HIF1A: variants seen among roughly 807,000 people sequenced by gnomAD.
HIF1A encodes the protein hypoxia-inducible factor 1-alpha.
HIF1A carries 24 observed loss-of-function variants against 92.7 expected under a neutral mutation model. That is an observed-to-expected ratio of 0.26 (90% CI 0.19 to 0.36). The LOEUF (loss-of-function observed/expected upper bound fraction) is 0.36, where lower values mean the gene tolerates loss of function less well. Among genes scored for constraint, HIF1A ranks in the 10% least tolerant of loss-of-function variants. HIF1A has a pLI of 1.00. For missense variants in HIF1A, 799 were observed against 998.5 expected (o/e 0.80, Z 2.69); for synonymous variants, 319 against 338.7 (o/e 0.94, Z 0.64).
At chr14:61,730,163 A>T (rs1566571886) in intron 6 of HIF1A, among the ~76,000 whole-genome samples, 2 of 152,168 alleles carry the variant, frequency 1.3e-5, no homozygotes, top group South Asian at 4.1e-4. Context: ...GCTTTAGATC[A>T]TGGGTTTCCT....
At chr14:61,704,218 G>C (rs548332332) in intron 1 of HIF1A, among the ~76,000 whole-genome samples, 42 of 152,238 alleles carry the variant, frequency 2.8e-4, no homozygotes, top group African/African-American at 1.0e-3. Flanking sequence ...TGGTTAAGTT[G>C]TTTTCAACAT....
chr14:61,695,715 C>A lies in HIF1A; in HGVS notation c.-90C>A. The A allele has an allele frequency of 7.1e-7, 1 of 1,417,454 alleles. No individual in the cohort carries two copies. The highest frequency in any genetic ancestry group is 9.7e-7 in the Non-Finnish European group (1 of 1,032,024). 87.8% of individuals were successfully genotyped at this position (1,417,454 alleles called of 1,614,324 possible). On this transcript the variant is annotated 5_prime_UTR_variant, in exon 1 of 15. Coordinates refer to ENST00000337138, the MANE Select transcript of HIF1A (RefSeq NM_001530.4). ...CCCACCTCTGGACTTGCCTTTCCTTCTCTTCTCCGCGTGTGGAGGGAGCCA... is the reference window on the plus strand; with the variant it reads ...CCCACCTCTGGACTTGCCTTTCCTTATCTTCTCCGCGTGTGGAGGGAGCCA...
At position 61,747,170 on chromosome 14, in the gene HIF1A, T is replaced by G; in HGVS notation, c.*85T>G. ...TATTTATATTTTCTACATCTAATTT[T>G]AGAAGCCTGGCTACAATACTGCACA... On this transcript the variant is annotated 3_prime_UTR_variant, in exon 15 of 15. Transcript: ENST00000337138. The G allele has an allele frequency of 2.4e-6, 3 of 1,234,982 alleles. No individual in the cohort carries two copies. The highest frequency in any genetic ancestry group is 3.4e-6 in the Non-Finnish European group (3 of 890,188). 76.5% of individuals were successfully genotyped at this position (1,234,982 alleles called of 1,614,324 possible).
intron 1 of HIF1A, among the ~76,000 whole-genome samples, chr14:61,711,047 CAAAAAA>C (rs60358775): frequency 9.7e-5 from 11 of 113,458 alleles, no homozygotes; most frequent in South Asian, 2.9e-4. Context: ...GACTCTGTCT[CAAAAAA>C]AAAAAAAAAA....
Position 61,738,181 on chromosome 14 carries a change from G to T in HIF1A, c.1344G>T (p.Leu448Phe). Residue 448 changes from leucine to phenylalanine, a missense_variant, in exon 10 of 15, where the codon TTG (leucine) becomes TTT (phenylalanine). Physicochemically the swap from Leu to Phe is conservative, Grantham distance 22. Transcript: ENST00000337138. The part of the protein sequence containing the change: ...SPNEKLQNIN[L>F]AMSPLPTAET... ...ACGAAAAATTACAGAATATAAATTT[G>T]GCAATGTCTCCATTACCCACCGCTG... 6.2e-7 allele frequency: 1 copy of T among 1,613,948 alleles called. No homozygotes were observed. Among genetic ancestry groups the T allele is most frequent in the Non-Finnish European group, 8.5e-7 (1 of 1,179,964 alleles).
At chr14:61,710,793 G>GCTCA (rs1249375223) in intron 1 of HIF1A, among the ~76,000 whole-genome samples, 4 of 152,118 alleles carry the variant, frequency 2.6e-5, no homozygotes, top group Non-Finnish European at 5.9e-5. Flanking sequence ...AGGCGCGGTG[G>GCTCA]CTCACGCCTG....
intron 1 of HIF1A, among the ~76,000 whole-genome samples, chr14:61,711,388 G>C (rs2044306450): frequency 6.6e-6 from 1 of 152,046 alleles, no homozygotes; most frequent in South Asian, 2.1e-4. Context: ...GATTGGTTAA[G>C]AACATTAACT....
At chr14:61,707,812 G>C (rs983106819) in intron 1 of HIF1A, among the ~76,000 whole-genome samples, 1 of 151,102 alleles carries the variant, frequency 6.6e-6, no homozygotes, top group African/African-American at 2.4e-5. Flanking sequence ...AATCCTTTGG[G>C]TATATACCCA....
intron 4 of HIF1A, among the ~76,000 whole-genome samples, chr14:61,725,246 TTACTA>T (rs981002920): frequency 1.3e-5 from 2 of 152,192 alleles, no homozygotes; most frequent in African/African-American, 4.8e-5. Flanking sequence ...TTTGTTGACC[TTACTA>T]TATCTACTAC....
chr14:61,737,768 T>G (rs1594884044), intron 9 of HIF1A, among the ~76,000 whole-genome samples: 1 of 152,222 alleles, frequency 6.6e-6, no homozygotes, highest in East Asian at 1.9e-4. Context: ...GGCTCACGCC[T>G]GTAATCCCAG....
At chr14:61,705,818 A>G (rs1172442991) in intron 1 of HIF1A, among the ~76,000 whole-genome samples, 1 of 152,164 alleles carries the variant, frequency 6.6e-6, no homozygotes, top group African/African-American at 2.4e-5. Context: ...ATAGTTGGAA[A>G]ACAGAGACTC....
rs61755645 is a variant in HIF1A, at chr14:61,740,895, A to T, written c.1800A>T (p.Thr600=). The part of the protein sequence containing the change: ...PESASPQSTV[T]VFQQTQIQEP... The stretch of plus-strand genomic sequence containing the variant: ...GCGCAAGTCCTCAAAGCACAGTTAC[A>T]GTATTCCAGCAGACTCAAATACAAG... The change falls in exon 12 of 15, where the codon ACA becomes ACT. Residue 600 remains threonine (T), a synonymous_variant. Coordinates refer to ENST00000337138, the MANE Select transcript of HIF1A (RefSeq NM_001530.4). 14,594 of 1,614,232 alleles carry T rather than the reference A, an allele frequency of 9.0e-3. 80 individuals carry two copies. The highest frequency in any genetic ancestry group is 0.011 in the Non-Finnish European group (12,912 of 1,180,034).
At chr14:61,714,334 T>C (rs1281521097) in intron 1 of HIF1A, among the ~76,000 whole-genome samples, 5 of 152,230 alleles carry the variant, frequency 3.3e-5, no homozygotes. Context: ...GAGATGTTGT[T>C]TTAGTAAGTA....
chr14:61,720,297 C>G, intron 1 of HIF1A, 85 bp from the exon 2 acceptor site: 1 of 904,868 alleles, frequency 1.1e-6, no homozygotes, highest in Non-Finnish European at 1.7e-6. Flanking sequence ...CTGTGATAAG[C>G]AGAAATGTAA....
At chr14:61,734,048 C>A in intron 7 of HIF1A, 90 bp from the exon 8 acceptor site, 1 of 858,100 alleles carries the variant, frequency 1.2e-6, no homozygotes. Flanking sequence ...TTTTCCAAAA[C>A]AATGATGAAC....
At chr14:61,712,384 G>T (rs1264268425) in intron 1 of HIF1A, among the ~76,000 whole-genome samples, 1 of 151,874 alleles carries the variant, frequency 6.6e-6, no homozygotes, top group Non-Finnish European at 1.5e-5. Context: ...TGAGGCCATT[G>T]TGGAGGCCCA....
At chr14:61,717,855 T>TTTTTTTG (rs144996749) in intron 1 of HIF1A, among the ~76,000 whole-genome samples, 8 of 151,940 alleles carry the variant, frequency 5.3e-5, no homozygotes, top group African/African-American at 1.9e-4. Context: ...AACCTGTCTG[T>TTTTTTTG]ACTAAAAATA....
intron 12 of HIF1A, among the ~76,000 whole-genome samples, chr14:61,743,156 C>T (rs2044734641): frequency 6.6e-6 from 1 of 152,088 alleles, no homozygotes; most frequent in South Asian, 2.1e-4. Context: ...ACCGCAACTG[C>T]CGCCTCGCTG....
chr14:61,695,941 G>T (rs2044108775), intron 1 of HIF1A, 102 bp downstream of exon 1: 1 of 1,110,828 alleles, frequency 9.0e-7, no homozygotes, highest in Middle Eastern at 2.5e-4. Flanking sequence ...GGATTGGGGG[G>T]GGCAGCCTTT....
Sources: gnomAD v4.1 joint callset for allele counts (sites outside exome capture counted in the v4.1 genomes callset) on GRCh38, gnomAD v4.1.1 for gene constraint, MANE v1.5 for transcripts, NCBI Gene and HGNC (gene_info 2026-07-23, HGNC 2026-07-21) for gene names.